OGG1: variants seen among roughly 807,000 people sequenced by gnomAD.
The protein encoded by OGG1 is N-glycosylase/DNA lyase.
A neutral mutation model predicts 42.3 loss-of-function variants in OGG1; 35 were observed. The observed-to-expected ratio is 0.83, with a 90% CI of 0.63 to 1.10. The LOEUF (loss-of-function observed/expected upper bound fraction) is 1.10, where lower values mean the gene tolerates loss of function less well. Among genes scored for constraint, OGG1 ranks in the 50% least tolerant of loss-of-function variants. OGG1 has a pLI of 0.00. For synonymous variants in OGG1, 189 were observed against 179.0 expected, an observed-to-expected ratio of 1.06 and a Z score of -0.44; for missense variants, 484 against 446.7, an observed-to-expected ratio of 1.08 and a Z score of -0.75.
downstream of OGG1, chr3:9,759,107 C>A: frequency 8.4e-7 from 1 of 1,188,624 alleles, no homozygotes; most frequent in Middle Eastern, 2.1e-4. Flanking sequence ...TCCAGTCTGG[C>A]CAGGCTTAGC....
chr3:9,767,376 T>C (rs939323390), downstream of OGG1, among the ~76,000 whole-genome samples: 32 of 152,216 alleles, frequency 2.1e-4, no homozygotes, highest in African/African-American at 7.5e-4. Flanking sequence ...CAGCCTCAGT[T>C]CCCAAACCTA....
chr3:9,758,691 G>A (rs908484158), downstream of OGG1: 21 of 168,604 alleles, frequency 1.2e-4, no homozygotes, highest in East Asian at 7.0e-4. Flanking sequence ...GTGCAGTGGC[G>A]CGATCTCAGC....
intron 3 of OGG1, chr3:9,785,196 T>C: frequency 1.5e-6 from 1 of 688,578 alleles, no homozygotes; most frequent in Non-Finnish European, 2.5e-6. Flanking sequence ...TTGAGACTGC[T>C]ATTAGGCTTC....
At chr3:9,772,698 CTG>C (rs1006200319) in intron 2 of OGG1, among the ~76,000 whole-genome samples, 1 of 152,136 alleles carries the variant, frequency 6.6e-6, no homozygotes, top group Non-Finnish European at 1.5e-5. Context: ...GCCTCCAAAA[CTG>C]TTGCCAGGAG....
intron 2 of OGG1, among the ~76,000 whole-genome samples, chr3:9,779,197 C>T (rs577971988): frequency 1.6e-4 from 24 of 152,182 alleles, no homozygotes; most frequent in Non-Finnish European, 2.9e-4. Context: ...TCTCCACCAC[C>T]TTGATGGAGT....
downstream of OGG1, among the ~76,000 whole-genome samples, chr3:9,768,393 A>G (rs1163135139): frequency 6.6e-6 from 1 of 152,172 alleles, no homozygotes; most frequent in African/African-American, 2.4e-5. Flanking sequence ...GGAGCATGAG[A>G]AATGGTCCTG....
chr3:9,790,073 C>A, downstream of OGG1: 1 of 1,348,586 alleles, frequency 7.4e-7, no homozygotes, highest in Middle Eastern at 2.6e-4. Flanking sequence ...CTGGGTCTTT[C>A]CCCATCCTCT....
At chr3:9,771,643 T>C (rs1489753775), downstream of OGG1, among the ~76,000 whole-genome samples, 3 of 152,038 alleles carry the variant, frequency 2.0e-5, no homozygotes, top group Non-Finnish European at 4.4e-5. Context: ...CCTTAGTTCA[T>C]GGAAAAATAC....
chr3:9,759,352 T>C, downstream of OGG1: 1 of 1,551,560 alleles, frequency 6.4e-7, no homozygotes, highest in East Asian at 2.2e-5. Flanking sequence ...AGTGAATGAA[T>C]GAAGTCCTTC....
intron 3 of OGG1, chr3:9,784,008 T>C (rs993634584): frequency 7.5e-6 from 12 of 1,606,818 alleles, no homozygotes; most frequent in South Asian, 1.1e-5. Flanking sequence ...CCCGGGACTG[T>C]GCATCCTGCT....
At chr3:9,760,545 T>G, downstream of OGG1, 2 of 1,064,060 alleles carry the variant, frequency 1.9e-6, no homozygotes, top group East Asian at 2.4e-5. Context: ...CAGCTCTTTG[T>G]GTGGTGCTGG....
downstream of OGG1, among the ~76,000 whole-genome samples, chr3:9,788,715 T>A (rs112947006): frequency 4.3e-4 from 66 of 151,944 alleles, no homozygotes; most frequent in African/African-American, 1.3e-3. Flanking sequence ...AATTTTTGTA[T>A]TTTTAGTAGA....
In OGG1 at chr3:9,754,864, C is replaced by T; in HGVS notation, c.726C>T (p.Ile242=). The part of the protein sequence containing the change: ...SYEEAHKALC[I]LPGVGTKVAD... ...AGGAGGCCCACAAGGCCCTCTGCAT[C>T]CTGCCTGGAGTGGGCACCAAGGTGA... The change falls in exon 4 of 7, where the codon ATC becomes ATT. Residue 242 remains isoleucine (I), a synonymous_variant. Coordinates refer to ENST00000344629, the MANE Select transcript of OGG1 (RefSeq NM_002542.6). The T allele has an allele frequency of 1.9e-6, 3 of 1,602,004 alleles. No homozygotes were observed. Among genetic ancestry groups the T allele is most frequent in the East Asian group, 4.5e-5 (2 of 44,484 alleles).
intron 2 of OGG1, among the ~76,000 whole-genome samples, chr3:9,775,624 G>A (rs2125608091): frequency 6.6e-6 from 1 of 151,858 alleles, no homozygotes; most frequent in African/African-American, 2.4e-5. Context: ...ATAATGTAAG[G>A]CTATGCCCCA....
At chr3:9,755,046 C>T (rs1376632712) in intron 4 of OGG1, among the ~76,000 whole-genome samples, 161 bp downstream of exon 4, 2 of 152,130 alleles carry the variant, frequency 1.3e-5, no homozygotes, top group Non-Finnish European at 2.9e-5. Flanking sequence ...AAGCAGAGTG[C>T]AGAAAGAGTA....
intron 2 of OGG1, among the ~76,000 whole-genome samples, chr3:9,778,201 A>C (rs2078388782): frequency 6.6e-6 from 1 of 152,192 alleles, no homozygotes. Flanking sequence ...CCTTCATTGC[A>C]TTATCATTAT....
At chr3:9,761,882 G>GTC, downstream of OGG1, 1 of 1,421,458 alleles carries the variant, frequency 7.0e-7, no homozygotes, top group Non-Finnish European at 9.3e-7. Context: ...CTTCATGGCT[G>GTC]TCATAAGAAA....
chr3:9,756,904 A>C, intron 6 of OGG1, 88 bp downstream of exon 6: 1 of 1,611,928 alleles, frequency 6.2e-7, no homozygotes, highest in Non-Finnish European at 8.5e-7. Flanking sequence ...GGTGGCCCTA[A>C]AGGACTCTCC....
downstream of OGG1, chr3:9,761,494 T>C (rs759883777): frequency 6.2e-7 from 1 of 1,613,254 alleles, no homozygotes; most frequent in Non-Finnish European, 8.5e-7. Context: ...GGACCAGCAA[T>C]CCACAGCCTT....
Sources: allele counts gnomAD v4.1 joint callset (sites outside exome capture counted in the v4.1 genomes callset), GRCh38; gene constraint gnomAD v4.1.1; transcripts MANE v1.5; gene names NCBI Gene and HGNC (gene_info 2026-07-23, HGNC 2026-07-21).